AGBL1: variants seen among roughly 807,000 people sequenced by gnomAD.
The protein encoded by AGBL1 is AGBL carboxypeptidase 1.
In AGBL1, 130 loss-of-function variants were observed where a neutral mutation model predicts 118.9. The observed-to-expected ratio is 1.09, with a 90% CI of 0.95 to 1.26. The LOEUF (loss-of-function observed/expected upper bound fraction) is 1.26, where lower values mean the gene tolerates loss of function less well. Ranked by LOEUF, AGBL1 falls within the 50% of genes most tolerant of loss-of-function variation. The pLI, the probability that AGBL1 is intolerant of heterozygous loss-of-function variation, is 0.00. For synonymous variants in AGBL1, 555 were observed against 478.9 expected, an observed-to-expected ratio of 1.16 and a Z score of -2.08; for missense variants, 1,584 against 1,298.1, an observed-to-expected ratio of 1.22 and a Z score of -3.38.
At chr15:86,786,527 T>C (rs1195101603) in intron 22 of AGBL1, among the ~76,000 whole-genome samples, 4 of 152,326 alleles carry the variant, frequency 2.6e-5, no homozygotes, top group Non-Finnish European at 5.9e-5. Context: ...ATAAGCTAAA[T>C]GCTAAAATAT....
In AGBL1 at chr15:86,206,222, A is replaced by G. The variant is rs546888208; in HGVS notation, c.489-18692A>G. ...TTAATCCAGTCTATCATCATTGGAC[A>G]TTTGGGTTGGTTCCACGTTTTTGGT... is the stretch of plus-strand genomic sequence containing the variant. On this transcript the variant is annotated intron_variant, in intron 5 of 22. Transcript: ENST00000614907. Among the ~76,000 whole-genome samples the G allele has an allele frequency of 2.4e-3, 369 of 152,296 alleles. 2 individuals carry two copies. Among genetic ancestry groups the G allele is most frequent in the African/African-American group, 8.2e-3 (342 of 41,544 alleles).
At chr15:86,642,376 A>G (rs2085206891) in intron 21 of AGBL1, among the ~76,000 whole-genome samples, 1 of 152,176 alleles carries the variant, frequency 6.6e-6, no homozygotes, top group Non-Finnish European at 1.5e-5. Flanking sequence ...TTAATAGTTT[A>G]TGGCTTTACA....
intron 18 of AGBL1, among the ~76,000 whole-genome samples, chr15:86,442,544 A>C (rs2082077258): frequency 6.6e-6 from 1 of 152,248 alleles, no homozygotes; most frequent in African/African-American, 2.4e-5. Flanking sequence ...TCCTAATAAA[A>C]GATCATTTTA....
chr15:86,309,668 G>A (rs34547035), intron 17 of AGBL1, among the ~76,000 whole-genome samples: 8,251 of 152,186 alleles, frequency 0.054, 268 homozygotes, highest in South Asian at 0.07. Flanking sequence ...ATGACCATAT[G>A]ATTTTTATCC....
At chr15:86,942,442 T>C (rs1282480191) in intron 23 of AGBL1, among the ~76,000 whole-genome samples, 1 of 152,212 alleles carries the variant, frequency 6.6e-6, no homozygotes, top group Non-Finnish European at 1.5e-5. Context: ...ATGTTTACAT[T>C]CTGAACTTGT....
intron 8 of AGBL1, among the ~76,000 whole-genome samples, chr15:86,257,678 A>C (rs1196670722): frequency 6.6e-6 from 1 of 152,238 alleles, no homozygotes. Context: ...TCTAACTTTC[A>C]TGGGAGAATC....
At chr15:86,401,660 C>T (rs2081447404) in intron 18 of AGBL1, among the ~76,000 whole-genome samples, 1 of 152,114 alleles carries the variant, frequency 6.6e-6, no homozygotes, top group African/African-American at 2.4e-5. Context: ...TTTCCTTCTT[C>T]TACATGTGGC....
intron 23 of AGBL1, among the ~76,000 whole-genome samples, chr15:86,922,436 A>G (rs2080490604): frequency 1.3e-5 from 2 of 152,274 alleles, no homozygotes; most frequent in South Asian, 4.1e-4. Flanking sequence ...GATTACAGGC[A>G]TGTGCCACCA....
chr15:86,157,085 T>A (rs28492924), intron 4 of AGBL1, among the ~76,000 whole-genome samples: 5 of 151,998 alleles, frequency 3.3e-5, no homozygotes, highest in African/African-American at 1.2e-4. Context: ...CCACTGTGCC[T>A]GGCCACAATA....
intron 21 of AGBL1, among the ~76,000 whole-genome samples, chr15:86,609,750 G>T (rs1325569875): frequency 1.3e-5 from 2 of 152,100 alleles, no homozygotes; most frequent in Non-Finnish European, 2.9e-5. Flanking sequence ...AAAAGTTAGG[G>T]GGGAAAAAGA....
intron 21 of AGBL1, among the ~76,000 whole-genome samples, chr15:86,599,555 T>C (rs1050889516): frequency 4.0e-5 from 6 of 151,662 alleles, no homozygotes; most frequent in African/African-American, 1.5e-4. Context: ...GGGAAGTGGA[T>C]GAATGGATCG....
chr15:86,163,202 A>G (rs2077290938), intron 5 of AGBL1, among the ~76,000 whole-genome samples: 2 of 152,162 alleles, frequency 1.3e-5, no homozygotes, highest in Admixed American at 1.3e-4. Flanking sequence ...TTTGGGAGGC[A>G]AAGGCGGGAG....
At position 86,522,728 on chromosome 15, in the gene AGBL1, AT is replaced by A. The variant is rs1364214664; in HGVS notation, c.2556-80del. The A allele has an allele frequency of 3.4e-6, 5 of 1,492,226 alleles. No individual in the cohort carries two copies. In the African/African-American group the frequency reaches 4.2e-5, roughly 13 times the overall value. The allele number at this position is 1,492,226 out of a possible 1,614,324, so 92.4% of individuals were successfully genotyped here. ...GGAAAGTTTTGAAGTCATTAGTTTA[AT>A]TGTTTATCTTGTGGAGCTTTATTTT... On this transcript the variant is annotated intron_variant, in intron 18 of 22. Transcript: ENST00000614907.
At chr15:86,705,952 TCTTA>T (rs1263744931) in intron 22 of AGBL1, among the ~76,000 whole-genome samples, 11 of 147,662 alleles carry the variant, frequency 7.4e-5, no homozygotes, top group African/African-American at 1.3e-4. Flanking sequence ...AAACCATCTC[TCTTA>T]CTTCATCTTT....
At chr15:86,817,229 T>C (rs1047880783) in intron 22 of AGBL1, among the ~76,000 whole-genome samples, 5 of 150,152 alleles carry the variant, frequency 3.3e-5, no homozygotes, top group African/African-American at 1.2e-4. Flanking sequence ...AAGGCGGAGG[T>C]TGCAGTGACC....
chr15:86,279,106 G>A (rs370627736), intron 15 of AGBL1, among the ~76,000 whole-genome samples: 47 of 152,296 alleles, frequency 3.1e-4, no homozygotes, highest in African/African-American at 1.1e-3. Flanking sequence ...CCACATGATG[G>A]GTTGCTGCAA....
At chr15:87,016,163 C>T (rs79099092) in intron 24 of AGBL1, among the ~76,000 whole-genome samples, 3,377 of 152,258 alleles carry the variant, frequency 0.022, 112 homozygotes, top group African/African-American at 0.075. Context: ...TTGTTTAAAA[C>T]GCAAACTCTC....
Position 87,001,241 on chromosome 15 carries a change from C to T in AGBL1, c.3323+13153C>T, listed in dbSNP as rs183372782. 2.6e-4 allele frequency among the ~76,000 whole-genome samples: 39 copies of T among 151,274 alleles called. No individual in the cohort carries two copies. The East Asian group carries it at 7.6e-3, about 29-fold the overall frequency. ...TTATTTCCTTCTCCTGCCTCATTGC[C>T]CTGGCCAGAACTTCCAACACTATGT... On this transcript the variant is annotated intron_variant, in intron 24 of 24. Coordinates refer to the AGBL1 transcript ENST00000441037.
chr15:86,492,467 G>A (rs567995111), intron 18 of AGBL1, among the ~76,000 whole-genome samples: 42 of 152,014 alleles, frequency 2.8e-4, no homozygotes, highest in Middle Eastern at 3.4e-3. Flanking sequence ...ATGTGCATCT[G>A]TAATCCCAGC....
Sources: allele counts gnomAD v4.1 joint callset (sites outside exome capture counted in the v4.1 genomes callset), GRCh38; gene constraint gnomAD v4.1.1; transcripts MANE v1.5; gene names NCBI Gene and HGNC (gene_info 2026-07-23, HGNC 2026-07-21).